LRTM3: variants seen among roughly 807,000 people sequenced by gnomAD.
LRTM3 encodes leucine rich repeat transmembrane protein 3.
At chr13:102,734,764 T>C in the LRTM3 span, 1 of 1,551,222 alleles carries the variant, frequency 6.4e-7, no homozygotes, top group South Asian at 1.2e-5. Context: ...CTAGTTGAGA[T>C]AGAGATGGCA....
the LRTM3 span, among the ~76,000 whole-genome samples, chr13:102,754,128 C>G: frequency 6.6e-6 from 1 of 150,916 alleles, no homozygotes; most frequent in South Asian, 2.1e-4. Flanking sequence ...GTTGTTGAAC[C>G]CAGGAGATGA....
At chr13:102,737,313 C>G in the LRTM3 span, 2 of 1,551,120 alleles carry the variant, frequency 1.3e-6, no homozygotes, top group Non-Finnish European at 1.7e-6. Context: ...TGCAAAGTAG[C>G]AGATTTTATT....
chr13:102,749,161 A>G, the LRTM3 span: 1 of 1,550,608 alleles, frequency 6.4e-7, no homozygotes. Flanking sequence ...TATTTTTTAA[A>G]GTGTGACATA....
chr13:102,735,246 T>C, the LRTM3 span: 3 of 1,551,372 alleles, frequency 1.9e-6, no homozygotes, highest in Admixed American at 3.9e-5. Context: ...ACACTGGTCA[T>C]ATCCGCAACT....
chr13:102,749,657 A>G, the LRTM3 span: 4 of 1,551,428 alleles, frequency 2.6e-6, no homozygotes, highest in African/African-American at 1.4e-5. Flanking sequence ...TGGCTTCTTC[A>G]TCACATCTTC....
At chr13:102,753,085 T>A in the LRTM3 span, among the ~76,000 whole-genome samples, 1 of 152,132 alleles carries the variant, frequency 6.6e-6, no homozygotes, top group East Asian at 1.9e-4. Flanking sequence ...CGCCCATCAA[T>A]GATAGACTGG....
chr13:102,749,089 T>C, the LRTM3 span: 3 of 1,550,018 alleles, frequency 1.9e-6, no homozygotes, highest in Admixed American at 2.0e-5. Context: ...CTATATCTGA[T>C]ATATCTTTCC....
At chr13:102,739,416 C>A in the LRTM3 span, 1 of 1,550,386 alleles carries the variant, frequency 6.5e-7, no homozygotes, top group Non-Finnish European at 8.7e-7. Flanking sequence ...TTTGATGATG[C>A]CTGGAGCTTT....
the LRTM3 span, chr13:102,733,855 T>C: frequency 6.4e-7 from 1 of 1,551,352 alleles, no homozygotes; most frequent in East Asian, 2.4e-5. Flanking sequence ...GCACATACTG[T>C]TCTGCTTGCT....
chr13:102,741,724 T>C, the LRTM3 span: 1 of 1,550,392 alleles, frequency 6.4e-7, no homozygotes, highest in African/African-American at 1.4e-5. Context: ...GAATATCTAG[T>C]CTCTTCGATC....
the LRTM3 span, chr13:102,750,383 C>A: frequency 3.4e-6 from 5 of 1,470,498 alleles, no homozygotes; most frequent in African/African-American, 5.7e-5. Flanking sequence ...TAAAAAGGTG[C>A]CAACTCTGAA....
chr13:102,740,546 T>C, the LRTM3 span: 1 of 1,549,448 alleles, frequency 6.5e-7, no homozygotes, highest in South Asian at 1.2e-5. Flanking sequence ...TTTGAGTAAG[T>C]CTTGTCTTTT....
the LRTM3 span, chr13:102,758,681 A>G: frequency 1.3e-6 from 2 of 1,522,474 alleles, no homozygotes; most frequent in Admixed American, 2.1e-5. Context: ...GGAAAAGGGG[A>G]AATCAACCAT....
chr13:102,751,798 A>G, the LRTM3 span, among the ~76,000 whole-genome samples: 1 of 152,180 alleles, frequency 6.6e-6, no homozygotes, highest in African/African-American at 2.4e-5. Flanking sequence ...TTACTTGTAG[A>G]ACTGAGAAAT....
chr13:102,751,889 G>A, the LRTM3 span, among the ~76,000 whole-genome samples: 3 of 152,146 alleles, frequency 2.0e-5, no homozygotes. Flanking sequence ...CTTGAAAAAT[G>A]AATTCCTGAC....
At chr13:102,736,754 G>T in the LRTM3 span, 1 of 1,550,738 alleles carries the variant, frequency 6.4e-7, no homozygotes, top group Non-Finnish European at 8.7e-7. Flanking sequence ...TATGTACTCG[G>T]GATGCATTAC....
the LRTM3 span, among the ~76,000 whole-genome samples, chr13:102,754,994 A>T: frequency 6.6e-6 from 1 of 152,078 alleles, no homozygotes; most frequent in Non-Finnish European, 1.5e-5. Flanking sequence ...TTGGTGGCAG[A>T]CTCTCACTCA....
the LRTM3 span, chr13:102,738,721 G>A: frequency 6.4e-7 from 1 of 1,550,606 alleles, no homozygotes; most frequent in South Asian, 1.2e-5. Context: ...TTATTCTCAT[G>A]GCTTCCTCTC....
the LRTM3 span, chr13:102,736,753 G>C: frequency 6.4e-7 from 1 of 1,550,656 alleles, no homozygotes; most frequent in Non-Finnish European, 8.7e-7. Flanking sequence ...CTATGTACTC[G>C]GGATGCATTA....
Sources: gnomAD v4.1 joint callset for allele counts (sites outside exome capture counted in the v4.1 genomes callset) on GRCh38, gnomAD v4.1.1 for gene constraint, MANE v1.5 for transcripts, NCBI Gene and HGNC (gene_info 2026-07-23, HGNC 2026-07-21) for gene names.